The following FSTL1 variants were observed in gnomAD, a reference collection of about 807,000 sequenced individuals.
FSTL1 encodes follistatin like 1.
In FSTL1, 24 loss-of-function variants were observed where a neutral mutation model predicts 45.9. The ratio of observed to expected loss-of-function variants is 0.52; its 90% CI spans 0.38 to 0.74. The LOEUF (loss-of-function observed/expected upper bound fraction) is 0.74, where lower values mean the gene tolerates loss of function less well. Among genes scored for constraint, FSTL1 ranks in the 30% least tolerant of loss-of-function variants. FSTL1 has a pLI of 0.00. For synonymous variants in FSTL1, 120 were observed against 137.6 expected, an observed-to-expected ratio of 0.87 and a Z score of 0.89; for missense variants, 340 against 381.8, an observed-to-expected ratio of 0.89 and a Z score of 0.91.
intron 2 of FSTL1, among the ~76,000 whole-genome samples, chr3:120,437,871 C>T (rs1002613177): frequency 6.6e-6 from 1 of 152,188 alleles, no homozygotes; most frequent in Non-Finnish European, 1.5e-5. Context: ...TGTTTCCTTA[C>T]TGTGTTCACC....
At chr3:120,429,832 C>A (rs1937445739) in intron 2 of FSTL1, among the ~76,000 whole-genome samples, 1 of 152,172 alleles carries the variant, frequency 6.6e-6, no homozygotes, top group Non-Finnish European at 1.5e-5. Flanking sequence ...CTTCCAACTA[C>A]TCCTCTAAAG....
At chr3:120,441,685 C>T (rs1017865143) in intron 2 of FSTL1, among the ~76,000 whole-genome samples, 2 of 152,350 alleles carry the variant, frequency 1.3e-5, no homozygotes, top group Non-Finnish European at 2.9e-5. Flanking sequence ...CACACACACA[C>T]ACGCACCCAT....
Position 120,395,654 on chromosome 3 carries a change from C to G in FSTL1, c.*1298G>C, listed in dbSNP as rs1560008716. ...TTTTGGCCATCTGACATTTCTTGTT[C>G]TAGTAACAAGATTTCATTTATTCTA... is the stretch of plus-strand genomic sequence containing the variant. On this transcript the variant is annotated 3_prime_UTR_variant, in exon 11 of 11. Transcript: ENST00000295633. 1 of 534,000 alleles carries G rather than the reference C, an allele frequency of 1.9e-6. No individual in the cohort carries two copies. The highest frequency in any genetic ancestry group is 1.4e-5 in the South Asian group (1 of 71,414). The allele number at this position is 534,000 out of a possible 1,614,324, so 33.1% of individuals were successfully genotyped here.
chr3:120,400,706 T>G (rs1936804447), intron 9 of FSTL1, among the ~76,000 whole-genome samples: 1 of 152,234 alleles, frequency 6.6e-6, no homozygotes, highest in Non-Finnish European at 1.5e-5. Flanking sequence ...CAAATTTTGA[T>G]GCCCCTTCTT....
Position 120,399,882 on chromosome 3 carries a change from C to G in FSTL1, c.882+1G>C. On this transcript the variant is annotated splice_donor_variant, in intron 10 of 10. Transcript: ENST00000295633. LOFTEE classifies it high-confidence loss of function. ...GAACCAGCACGGAGGCTGCCACTCACCTGATGCTTTTGGAGCTCCTGGACA... is the reference window on the plus strand; with the variant it reads ...GAACCAGCACGGAGGCTGCCACTCAGCTGATGCTTTTGGAGCTCCTGGACA... 1 of 1,598,040 alleles carries G rather than the reference C, an allele frequency of 6.3e-7. No individual in the cohort carries two copies.
intron 2 of FSTL1, chr3:120,441,232 C>T (rs528956273): frequency 1.3e-5 from 2 of 152,336 alleles, no homozygotes; most frequent in South Asian, 4.1e-4. Flanking sequence ...ATGGAAATGA[C>T]CACCCAAGAT....
At chr3:120,412,829 C>CGT (rs1459291140) in intron 3 of FSTL1, among the ~76,000 whole-genome samples, 5 of 123,678 alleles carry the variant, frequency 4.0e-5, no homozygotes, top group South Asian at 2.7e-4. Flanking sequence ...TGCGCGCGCG[C>CGT]GCGCGCGCGC....
chr3:120,435,796 A>G (rs6764364), intron 2 of FSTL1, among the ~76,000 whole-genome samples: 34,297 of 152,196 alleles, frequency 0.23, 4,655 homozygotes, highest in African/African-American at 0.39. Flanking sequence ...CAAAATAATT[A>G]TAGCATTACC....
intron 3 of FSTL1, among the ~76,000 whole-genome samples, chr3:120,413,910 G>T (rs1284813275): frequency 6.6e-6 from 1 of 151,296 alleles, no homozygotes; most frequent in East Asian, 1.9e-4. Flanking sequence ...TCCTGACTCA[G>T]CCTGCCCAGT....
chr3:120,410,818 G>C (rs762487058), intron 5 of FSTL1, 134 bp downstream of exon 5: 1 of 793,414 alleles, frequency 1.3e-6, no homozygotes, highest in African/African-American at 1.7e-5. Context: ...GTGTTGAGGA[G>C]TGGCCAGTTC....
chr3:120,432,459 CCT>C (rs1226092255), intron 2 of FSTL1, among the ~76,000 whole-genome samples: 3 of 152,094 alleles, frequency 2.0e-5, no homozygotes, highest in Admixed American at 6.5e-5. Flanking sequence ...CAAATTCCCC[CCT>C]ATTTTTTCAG....
intron 6 of FSTL1, among the ~76,000 whole-genome samples, chr3:120,408,604 T>C (rs1223308208): frequency 6.6e-6 from 1 of 152,124 alleles, no homozygotes; most frequent in Non-Finnish European, 1.5e-5. Context: ...TGGAAGCATG[T>C]GAGGGAGTAG....
chr3:120,404,744 G>A (rs1037703326), intron 7 of FSTL1, 109 bp downstream of exon 7: 23 of 709,676 alleles, frequency 3.2e-5, no homozygotes, highest in African/African-American at 8.8e-5. Context: ...TGCTTTTTAC[G>A]TGACATTCTC....
intron 9 of FSTL1, among the ~76,000 whole-genome samples, chr3:120,400,821 C>T (rs1050641374): frequency 3.3e-4 from 50 of 152,208 alleles, no homozygotes; most frequent in African/African-American, 7.2e-5. Context: ...CTTAGATCCA[C>T]GGCCTACACA....
chr3:120,427,829 G>T (rs1203829156), intron 2 of FSTL1, among the ~76,000 whole-genome samples: 4 of 152,188 alleles, frequency 2.6e-5, no homozygotes, highest in African/African-American at 9.7e-5. Flanking sequence ...GGAAGATAAG[G>T]TAATGTGGGA....
chr3:120,431,845 G>A (rs1343470613), intron 2 of FSTL1, among the ~76,000 whole-genome samples: 1 of 152,168 alleles, frequency 6.6e-6, no homozygotes, highest in Non-Finnish European at 1.5e-5. Context: ...ATGTCAGGCT[G>A]CATCTGGGAC....
At chr3:120,438,318 T>C (rs1937592400) in intron 2 of FSTL1, 1 of 152,208 alleles carries the variant, frequency 6.6e-6, no homozygotes. Flanking sequence ...GGATTCTTCA[T>C]TTCTTCCCCA....
intron 2 of FSTL1, among the ~76,000 whole-genome samples, chr3:120,417,701 A>G (rs982650820): frequency 3.9e-5 from 6 of 152,192 alleles, no homozygotes; most frequent in Admixed American, 3.9e-4. Context: ...GAAGAGGAAA[A>G]GGTTTTTGCT....
chr3:120,409,649 C>A lies in FSTL1; in HGVS notation c.345G>T (p.Gln115His), dbSNP rs956909529. ...SPSASPVVCYQSNRDELRRRI... is the reference protein window; with the variant it reads ...SPSASPVVCYHSNRDELRRRI... ...GACGTCGGAGCTCATCACGGTTGGA[C>A]TGATAGCAAACAACTGCAGGAAAGT... The change falls in exon 6 of 11, where the codon CAG becomes CAT. Residue 115 changes from glutamine (Q) to histidine (H), a missense_variant. Gln to His is a conservative substitution (Grantham distance 24, BLOSUM62 0). Coordinates refer to ENST00000295633, the MANE Select transcript of FSTL1 (RefSeq NM_007085.5). The A allele has an allele frequency of 1.4e-5, 23 of 1,613,966 alleles. No individual in the cohort carries two copies. In the Admixed American group the frequency reaches 3.8e-4, roughly 27 times the overall value.
Sources: allele counts gnomAD v4.1 joint callset (sites outside exome capture counted in the v4.1 genomes callset), GRCh38; gene constraint gnomAD v4.1.1; transcripts MANE v1.5; gene names NCBI Gene and HGNC (gene_info 2026-07-23, HGNC 2026-07-21).